The following CSMD3 variants were observed in gnomAD, a reference collection of about 807,000 sequenced individuals.
The protein encoded by CSMD3 is CUB and sushi domain-containing protein 3.
Under a neutral mutation model 435.2 loss-of-function variants are expected in CSMD3, and 177 were observed. The ratio of observed to expected loss-of-function variants is 0.41; its 90% CI spans 0.36 to 0.46. The LOEUF (loss-of-function observed/expected upper bound fraction) is 0.46, where lower values mean the gene tolerates loss of function less well. Ranked by LOEUF, CSMD3 falls within the 20% of genes least tolerant of loss-of-function variation. The probability of loss-of-function intolerance (pLI) is 0.34; values close to 1 mark genes in which losing one functional copy is unlikely to be tolerated. For missense variants in CSMD3, 4,265 were observed against 4,504.6 expected, an observed-to-expected ratio of 0.95 and a Z score of 1.52; for synonymous variants, 1,656 against 1,520.5, an observed-to-expected ratio of 1.09 and a Z score of -2.07.
At chr8:112,560,686 A>G (rs1288197743) in intron 24 of CSMD3, among the ~76,000 whole-genome samples, 1 of 151,770 alleles carries the variant, frequency 6.6e-6, no homozygotes, top group African/African-American at 2.4e-5. Flanking sequence ...CAATGAAAAA[A>G]TAGTCAAACA....
intron 3 of CSMD3, among the ~76,000 whole-genome samples, chr8:113,230,948 T>C (rs183112463): frequency 4.0e-4 from 60 of 151,634 alleles, no homozygotes; most frequent in African/African-American, 1.3e-3. Flanking sequence ...TTCAACAATA[T>C]ATAAATGTCA....
rs188025132 is a variant in CSMD3 at position 113,426,400 on chromosome 8, A to G, written c.178+10277T>C. On this transcript the variant is annotated intron_variant, in intron 1 of 70. Coordinates refer to ENST00000297405, the MANE Select transcript of CSMD3 (RefSeq NM_198123.2). ...TGTGGGTGTATCCATTATGTGGTAC[A>G]TTATGTGTTATTTTAAGAGAAAATA... 2.3e-3 allele frequency among the ~76,000 whole-genome samples: 344 copies of G among 151,506 alleles called. 1 individual carries two copies. The highest frequency in any genetic ancestry group is 4.1e-3 in the Non-Finnish European group (278 of 67,426).
intron 11 of CSMD3, 50 bp downstream of exon 11, chr8:112,859,095 G>C (rs759315019): frequency 5.9e-5 from 92 of 1,555,686 alleles, no homozygotes; most frequent in Non-Finnish European, 7.8e-5. Context: ...CTTTGCCTTT[G>C]TCTTTATGAT....
At chr8:112,786,226 A>T (rs905709547) in intron 13 of CSMD3, among the ~76,000 whole-genome samples, 1 of 152,164 alleles carries the variant, frequency 6.6e-6, no homozygotes, top group Non-Finnish European at 1.5e-5. Context: ...TGATGTTCAT[A>T]TGCAGAAGAA....
At chr8:112,598,190 G>A (rs1342886966) in intron 22 of CSMD3, among the ~76,000 whole-genome samples, 3 of 132,372 alleles carry the variant, frequency 2.3e-5, no homozygotes, top group African/African-American at 6.0e-5. Context: ...CAAAAACAAT[G>A]TACAAAAATC....
intron 12 of CSMD3, among the ~76,000 whole-genome samples, chr8:112,808,967 C>G (rs2079157030): frequency 6.6e-6 from 1 of 152,114 alleles, no homozygotes; most frequent in African/African-American, 2.4e-5. Context: ...ATGAATGGAA[C>G]TCATTTGCTG....
intron 7 of CSMD3, among the ~76,000 whole-genome samples, chr8:112,974,334 T>C (rs983424797): frequency 2.6e-5 from 4 of 151,962 alleles, no homozygotes; most frequent in Admixed American, 6.6e-5. Context: ...AAACTTTGGC[T>C]AAAGTAGAAA....
chr8:112,775,879 A>G (rs1328464972), intron 13 of CSMD3, among the ~76,000 whole-genome samples: 1 of 151,932 alleles, frequency 6.6e-6, no homozygotes, highest in Non-Finnish European at 1.5e-5. Context: ...CATAAAAACT[A>G]ATACCTTTTA....
At chr8:112,428,709 C>A (rs1813340810) in intron 32 of CSMD3, among the ~76,000 whole-genome samples, 1 of 152,000 alleles carries the variant, frequency 6.6e-6, no homozygotes, top group Non-Finnish European at 1.5e-5. Flanking sequence ...AATGACTTTT[C>A]TCTTCCCCTC....
At chr8:113,313,839 T>C (rs908261884) in intron 2 of CSMD3, 34 of 152,294 alleles carry the variant, frequency 2.2e-4, no homozygotes, top group African/African-American at 8.2e-4. Flanking sequence ...TGTGCAATTC[T>C]TGGAATGTTG....
chr8:113,237,201 G>A (rs918938600), intron 3 of CSMD3, among the ~76,000 whole-genome samples: 17 of 152,120 alleles, frequency 1.1e-4, no homozygotes, highest in Non-Finnish European at 4.4e-5. Context: ...ATGCCTAAAT[G>A]AAAATGTGCC....
At chr8:112,860,214 T>C (rs1399179931) in intron 10 of CSMD3, among the ~76,000 whole-genome samples, 1 of 151,748 alleles carries the variant, frequency 6.6e-6, no homozygotes, top group Non-Finnish European at 1.5e-5. Flanking sequence ...TAAAAGTGTG[T>C]CTTTCTTGTA....
intron 32 of CSMD3, among the ~76,000 whole-genome samples, chr8:112,459,611 C>T (rs1238679335): frequency 6.6e-6 from 1 of 152,132 alleles, no homozygotes; most frequent in Non-Finnish European, 1.5e-5. Context: ...TATCTGACTA[C>T]TCAATTAGAC....
At chr8:112,912,282 C>T (rs927737503) in intron 10 of CSMD3, among the ~76,000 whole-genome samples, 19 of 150,826 alleles carry the variant, frequency 1.3e-4, no homozygotes, top group African/African-American at 2.7e-4. Context: ...TATCTAGTAG[C>T]GGGATTGCTG....
In CSMD3 at chr8:113,143,993, G is replaced by A. The variant is rs376189179; in HGVS notation, c.709+29729C>T. ...TCTGTAATTTTTCTTAAAACTGCAC[G>A]TGAATCCACAATTATCTCAAAACAA... On this transcript the variant is annotated intron_variant, in intron 4 of 70. Transcript: ENST00000297405. Among the ~76,000 whole-genome samples the A allele has an allele frequency of 3.8e-4, 58 of 151,284 alleles. No homozygotes were observed. In the South Asian group the frequency reaches 7.7e-3, roughly 20 times the overall value.
intron 1 of CSMD3, among the ~76,000 whole-genome samples, chr8:113,398,800 G>A (rs2094495564): frequency 6.6e-6 from 1 of 151,918 alleles, no homozygotes; most frequent in Non-Finnish European, 1.5e-5. Flanking sequence ...GATTGCTTCA[G>A]CTGGGTCAAA....
chr8:112,423,947 TGC>T (rs1812790293), intron 32 of CSMD3, among the ~76,000 whole-genome samples: 1 of 152,186 alleles, frequency 6.6e-6, no homozygotes, highest in African/African-American at 2.4e-5. Flanking sequence ...TTACTTAATA[TGC>T]TATAATTCCA....
At chr8:112,323,648 C>A (rs1199484807) in intron 45 of CSMD3, among the ~76,000 whole-genome samples, 1 of 151,972 alleles carries the variant, frequency 6.6e-6, no homozygotes, top group Non-Finnish European at 1.5e-5. Flanking sequence ...TTTTAAGCCA[C>A]CAGTTTGTGG....
chr8:112,848,668 A>G (rs1348832570), intron 11 of CSMD3, among the ~76,000 whole-genome samples: 3 of 152,108 alleles, frequency 2.0e-5, no homozygotes, highest in Admixed American at 1.3e-4. Flanking sequence ...CTTGTGTGAT[A>G]CTTCAAGACT....
Sources: gnomAD v4.1 joint callset for allele counts (sites outside exome capture counted in the v4.1 genomes callset) on GRCh38, gnomAD v4.1.1 for gene constraint, MANE v1.5 for transcripts, NCBI Gene and HGNC (gene_info 2026-07-23, HGNC 2026-07-21) for gene names.